The following CTNNA3 variants were observed in gnomAD, a reference collection of about 807,000 sequenced individuals.
CTNNA3 encodes catenin alpha 3.
CTNNA3 carries 76 observed loss-of-function variants against 95.7 expected under a neutral mutation model. The ratio of observed to expected loss-of-function variants is 0.79; its 90% CI spans 0.66 to 0.96. The LOEUF (loss-of-function observed/expected upper bound fraction) is 0.96. Among genes scored for constraint, CTNNA3 ranks in the 40% least tolerant of loss-of-function variants. The probability of loss-of-function intolerance (pLI) is 0.00; values close to 1 mark genes in which losing one functional copy is unlikely to be tolerated. For missense variants in CTNNA3, 1,191 were observed against 1,089.8 expected, an observed-to-expected ratio of 1.09 and a Z score of -1.31; for synonymous variants, 431 against 374.4, an observed-to-expected ratio of 1.15 and a Z score of -1.74.
chr10:66,023,151 A>G (rs2079258024), intron 15 of CTNNA3, among the ~76,000 whole-genome samples: 1 of 152,184 alleles, frequency 6.6e-6, no homozygotes, highest in Non-Finnish European at 1.5e-5. Flanking sequence ...TACATAATAA[A>G]TGTTTTTAGA....
At chr10:67,606,760 C>T in intron 3 of CTNNA3, 97 bp downstream of exon 3, 3 of 982,700 alleles carry the variant, frequency 3.1e-6, no homozygotes, top group Non-Finnish European at 4.6e-6. Context: ...GACTAAAAAA[C>T]TGGAGCCAAC....
At chr10:66,544,501 A>G (rs1201888042) in intron 10 of CTNNA3, among the ~76,000 whole-genome samples, 2 of 152,160 alleles carry the variant, frequency 1.3e-5, no homozygotes, top group African/African-American at 2.4e-5. Flanking sequence ...GTATTTTAAT[A>G]AATGTGGACT....
At chr10:67,154,690 T>C (rs1232983732) in intron 7 of CTNNA3, among the ~76,000 whole-genome samples, 1 of 152,138 alleles carries the variant, frequency 6.6e-6, no homozygotes, top group African/African-American at 2.4e-5. Context: ...CCTCCAATCC[T>C]ATAGCGACTG....
chr10:66,271,576 G>A (rs558199817), intron 13 of CTNNA3, among the ~76,000 whole-genome samples: 194 of 152,214 alleles, frequency 1.3e-3, no homozygotes, highest in African/African-American at 4.2e-3. Context: ...GCAAGTAACC[G>A]TCTTCCCCAT....
At chr10:67,125,858 G>C (rs988595965) in intron 7 of CTNNA3, among the ~76,000 whole-genome samples, 1 of 151,950 alleles carries the variant, frequency 6.6e-6, no homozygotes, top group African/African-American at 2.4e-5. Context: ...CACAACCCTT[G>C]AAAAAAAGTC....
Position 67,689,544 on chromosome 10 carries a change from G to C in CTNNA3, c.-6+6456C>G, listed in dbSNP as rs540393417. On this transcript the variant is annotated intron_variant, in intron 1 of 17. Transcript: ENST00000433211. Reference sequence around the variant, plus strand: ...AGGAAGTTTGTCTGACAGGCATTAGGACCCAGGAGGCAAGGGTCAGGAGAT... The same window carrying C: ...AGGAAGTTTGTCTGACAGGCATTAGCACCCAGGAGGCAAGGGTCAGGAGAT... Among the ~76,000 whole-genome samples the C allele has an allele frequency of 9.2e-5, 14 of 152,232 alleles. No homozygotes were observed. In the East Asian group the frequency reaches 2.5e-3, roughly 27 times the overall value.
intron 3 of CTNNA3, among the ~76,000 whole-genome samples, chr10:67,542,395 G>A (rs1840709876): frequency 6.6e-6 from 1 of 152,042 alleles, no homozygotes; most frequent in Non-Finnish European, 1.5e-5. Context: ...AAGTGCAAGA[G>A]CTGCATTGGC....
At chr10:67,300,783 G>C (rs1368973626) in intron 5 of CTNNA3, among the ~76,000 whole-genome samples, 1 of 152,156 alleles carries the variant, frequency 6.6e-6, no homozygotes, top group Non-Finnish European at 1.5e-5. Context: ...GTGGGGTCTT[G>C]ACCTTCTTGA....
chr10:67,504,456 A>AAAC (rs1839368741), intron 5 of CTNNA3, among the ~76,000 whole-genome samples: 1 of 150,546 alleles, frequency 6.6e-6, no homozygotes, highest in South Asian at 2.1e-4. Flanking sequence ...AAAAAAAAAA[A>AAAC]AAAACAGAGT....
At chr10:67,042,575 G>A (rs1466577936) in intron 7 of CTNNA3, among the ~76,000 whole-genome samples, 1 of 151,998 alleles carries the variant, frequency 6.6e-6, no homozygotes, top group Non-Finnish European at 1.5e-5. Context: ...TAAGAAAAGG[G>A]CTTGATGAAA....
intron 17 of CTNNA3, among the ~76,000 whole-genome samples, chr10:65,964,885 T>C (rs1028607954): frequency 4.6e-5 from 7 of 152,182 alleles, no homozygotes; most frequent in African/African-American, 1.7e-4. Context: ...TATGCATCTA[T>C]ACACACATAC....
At position 66,208,195 on chromosome 10, in the gene CTNNA3, G is replaced by A. The variant is rs558620843; in HGVS notation, c.1884+72275C>T. Among the ~76,000 whole-genome samples the A allele has an allele frequency of 1.2e-4, 18 of 152,206 alleles. No individual in the cohort carries two copies. In the East Asian group the frequency reaches 3.1e-3, roughly 26 times the overall value. ...TCTTGGTTTCTCATCTGCGGGGTAA[G>A]AATTAAGTAGACAGAGAGAGAGGGA... On this transcript the variant is annotated intron_variant, in intron 13 of 17. Transcript: ENST00000433211.
upstream of CTNNA3, among the ~76,000 whole-genome samples, chr10:67,699,689 G>A (rs575285866): frequency 6.6e-6 from 1 of 152,338 alleles, no homozygotes; most frequent in East Asian, 1.9e-4. Flanking sequence ...CTCCCAGCAT[G>A]AGCGACGCAG....
At chr10:67,223,335 G>T (rs774900666) in intron 5 of CTNNA3, among the ~76,000 whole-genome samples, 1 of 152,146 alleles carries the variant, frequency 6.6e-6, no homozygotes, top group Non-Finnish European at 1.5e-5. Flanking sequence ...GATACCATAG[G>T]TTCAAAGGTT....
intron 7 of CTNNA3, among the ~76,000 whole-genome samples, chr10:67,132,629 T>A (rs1441909182): frequency 1.3e-5 from 2 of 151,988 alleles, no homozygotes; most frequent in African/African-American, 4.8e-5. Flanking sequence ...AAAAGAAGGT[T>A]ATCAAGGACA....
chr10:66,743,586 G>C (rs969591485), intron 9 of CTNNA3, among the ~76,000 whole-genome samples: 1 of 152,132 alleles, frequency 6.6e-6, no homozygotes, highest in Non-Finnish European at 1.5e-5. Flanking sequence ...TAATTGGATT[G>C]TAACATGTCT....
At chr10:67,210,444 G>A (rs999527945) in intron 6 of CTNNA3, among the ~76,000 whole-genome samples, 6 of 151,576 alleles carry the variant, frequency 4.0e-5, no homozygotes, top group African/African-American at 1.2e-4. Context: ...GAAGACACAT[G>A]TTCCTAATGT....
intron 9 of CTNNA3, among the ~76,000 whole-genome samples, chr10:66,716,548 C>T (rs1021995021): frequency 3.9e-5 from 6 of 152,202 alleles, no homozygotes; most frequent in South Asian, 2.1e-4. Flanking sequence ...ATATTAACCA[C>T]GAGAGTGAAT....
At chr10:66,762,846 T>C (rs1184241216) in intron 9 of CTNNA3, among the ~76,000 whole-genome samples, 2 of 152,110 alleles carry the variant, frequency 1.3e-5, no homozygotes, top group African/African-American at 2.4e-5. Context: ...AAAGACTTGA[T>C]AGAAATCTTT....
Sources: allele counts gnomAD v4.1 joint callset (sites outside exome capture counted in the v4.1 genomes callset), GRCh38; gene constraint gnomAD v4.1.1; transcripts MANE v1.5; gene names NCBI Gene and HGNC (gene_info 2026-07-23, HGNC 2026-07-21).